PKHD1: variants seen among roughly 807,000 people sequenced by gnomAD.
PKHD1 encodes the protein PKHD1 ciliary IPT domain containing fibrocystin/polyductin.
Under a neutral mutation model 412.0 loss-of-function variants are expected in PKHD1, and 291 were observed. That is an observed-to-expected ratio of 0.71 (90% CI 0.64 to 0.78). The LOEUF (loss-of-function observed/expected upper bound fraction) is 0.78, where lower values mean the gene tolerates loss of function less well. PKHD1 is among the 30% of genes least tolerant of loss of function. The pLI, the probability that PKHD1 is intolerant of heterozygous loss-of-function variation, is 0.00. For missense variants in PKHD1, 4,825 were observed against 4,950.7 expected, an observed-to-expected ratio of 0.97 and a Z score of 0.76; for synonymous variants, 1,777 against 1,821.5, an observed-to-expected ratio of 0.98 and a Z score of 0.62.
chr6:51,913,995 A>G (rs1783386083), intron 37 of PKHD1, among the ~76,000 whole-genome samples: 1 of 152,138 alleles, frequency 6.6e-6, no homozygotes, highest in Non-Finnish European at 1.5e-5. Flanking sequence ...TTATATGTAT[A>G]TGCATATATA....
At position 51,906,289 on chromosome 6, in the gene PKHD1, C is replaced by T. The variant is rs970881; in HGVS notation, c.6734G>A (p.Ser2245Asn). The T allele has an allele frequency of 6.2e-7, 1 of 1,608,738 alleles. No individual in the cohort carries two copies. The highest frequency in any genetic ancestry group is 8.5e-7 in the Non-Finnish European group (1 of 1,175,398). ...TVRNSFSRGL[S>N]MCGTLGLKVD... ...CTTCAGGCCCAAGGTCCCGCACATG[C>T]TGAGGCCTCTACTGAAGGAGTTCCT... The change falls in exon 41 of 67, where the codon AGC becomes AAC. Residue 2245 changes from serine to asparagine, a missense_variant. By Grantham distance (46) the Ser-to-Asn change is conservative. Coordinates refer to ENST00000371117, the MANE Select transcript of PKHD1 (RefSeq NM_138694.4).
intron 33 of PKHD1, among the ~76,000 whole-genome samples, chr6:52,019,569 T>C (rs999685521): frequency 2.0e-5 from 3 of 152,258 alleles, no homozygotes; most frequent in South Asian, 2.1e-4. Context: ...TAGATGCAAA[T>C]TGACAAGCAG....
At position 51,659,131 on chromosome 6, in the gene PKHD1, T is replaced by C; in HGVS notation, c.10995A>G (p.Glu3665=). 2 of 1,613,846 alleles carry C rather than the reference T, an allele frequency of 1.2e-6. No homozygotes were observed. Among genetic ancestry groups the C allele is most frequent in the South Asian group, 2.2e-5 (2 of 91,086 alleles). ...VETISKVIVI[E]IGDSPTVRST... ...TCCTTACTGTTGGCGAATCACCAAT[T>C]TCAATGACAATCACTTTTGAGATAG... The change falls in exon 61 of 67, where the codon GAA becomes GAG. Residue 3665 remains glutamate (E), a synonymous_variant. Transcript: ENST00000371117.
intron 48 of PKHD1, among the ~76,000 whole-genome samples, chr6:51,861,637 C>T (rs1462235287): frequency 6.6e-6 from 1 of 152,194 alleles, no homozygotes. Context: ...ATACACCATG[C>T]TCATAACAAT....
At chr6:51,661,027 AT>A (rs1432072522) in intron 60 of PKHD1, among the ~76,000 whole-genome samples, 1 of 151,848 alleles carries the variant, frequency 6.6e-6, no homozygotes, top group Admixed American at 6.6e-5. Flanking sequence ...TAGTTGAGGC[AT>A]TAGCTCATTA....
chr6:51,928,001 AATT>A (rs1297510491), intron 37 of PKHD1, among the ~76,000 whole-genome samples: 1 of 152,164 alleles, frequency 6.6e-6, no homozygotes, highest in Non-Finnish European at 1.5e-5. Flanking sequence ...AATAGTCAGC[AATT>A]ATTATTCAGA....
chr6:52,050,391 A>T (rs1197968620), intron 21 of PKHD1, 96 bp from the exon 22 acceptor site: 13 of 1,188,336 alleles, frequency 1.1e-5, no homozygotes, highest in Admixed American at 1.7e-5. Flanking sequence ...CTCAGATCTC[A>T]GTACACACCT....
At chr6:51,802,628 T>C (rs979771827) in intron 52 of PKHD1, among the ~76,000 whole-genome samples, 1 of 151,592 alleles carries the variant, frequency 6.6e-6, no homozygotes, top group African/African-American at 2.4e-5. Context: ...TTTTAGTAAA[T>C]AAATATATTT....
intron 60 of PKHD1, among the ~76,000 whole-genome samples, chr6:51,663,869 T>A (rs1297639589): frequency 1.3e-5 from 2 of 152,182 alleles, no homozygotes; most frequent in African/African-American, 4.8e-5. Context: ...CTGACTATAC[T>A]TTTATAAATT....
chr6:51,631,792 A>G (rs1767945345), intron 65 of PKHD1, among the ~76,000 whole-genome samples: 1 of 152,102 alleles, frequency 6.6e-6, no homozygotes, highest in Non-Finnish European at 1.5e-5. Context: ...TAAAAAATTA[A>G]AAAATGGCAT....
chr6:51,738,920 G>GAC (rs146074613), intron 60 of PKHD1, among the ~76,000 whole-genome samples: 19 of 150,488 alleles, frequency 1.3e-4, no homozygotes, highest in East Asian at 7.8e-4. Flanking sequence ...CTGCACACAA[G>GAC]ACACACACAC....
intron 37 of PKHD1, among the ~76,000 whole-genome samples, chr6:51,925,410 C>T (rs1185409871): frequency 6.6e-6 from 1 of 151,542 alleles, no homozygotes; most frequent in African/African-American, 2.4e-5. Context: ...GGGGTACCCA[C>T]AACTTTAGCT....
rs149644266 is a variant in PKHD1 at position 52,079,017 on chromosome 6, C to A, written c.390+883G>T. Among the ~76,000 whole-genome samples, 392 of 152,264 alleles carry A rather than the reference C, an allele frequency of 2.6e-3. 1 individual carries two copies. The highest frequency in any genetic ancestry group is 7.1e-3 in the Admixed American group (109 of 15,296). ...GGAGAGACAAATTTACAAGGTGAAG[C>A]CTTATTCCGAAGGAGCATTCATTAG... On this transcript the variant is annotated intron_variant, in intron 5 of 66. Coordinates refer to ENST00000371117, the MANE Select transcript of PKHD1 (RefSeq NM_138694.4).
At chr6:51,669,280 T>C (rs1356928076) in intron 60 of PKHD1, among the ~76,000 whole-genome samples, 2 of 152,088 alleles carry the variant, frequency 1.3e-5, no homozygotes, top group African/African-American at 4.8e-5. Flanking sequence ...CTTGGGAGAG[T>C]GTATGTGTCG....
At chr6:51,806,679 C>T (rs1763832018) in intron 52 of PKHD1, among the ~76,000 whole-genome samples, 1 of 142,020 alleles carries the variant, frequency 7.0e-6, no homozygotes, top group Non-Finnish European at 1.5e-5. Flanking sequence ...GAATCGTTAT[C>T]TAAAAATAGA....
chr6:51,638,950 G>T lies in PKHD1; in HGVS notation c.11405C>A (p.Thr3802Asn), dbSNP rs1768966582. Residue 3802 changes from threonine to asparagine, a missense_variant, in exon 64 of 67, where the codon ACC (threonine) becomes AAC (asparagine). Physicochemically the swap from Thr to Asn is moderately conservative, Grantham distance 65. Coordinates refer to ENST00000371117, the MANE Select transcript of PKHD1 (RefSeq NM_138694.4). ...ATAACCATCTTGAGTTTCTGCCTGG[G>T]TGCACCCTACAAAAAAGTACAAAAC... The part of the protein sequence containing the change: ...GASDSVLKGC[T>N]QAETQDGYVS... The T allele has an allele frequency of 2.5e-6, 4 of 1,611,322 alleles. No homozygotes were observed. In the African/African-American group the frequency reaches 4.0e-5, roughly 16 times the overall value.
intron 52 of PKHD1, among the ~76,000 whole-genome samples, chr6:51,806,000 AC>A (rs1343664616): frequency 1.3e-5 from 2 of 149,284 alleles, no homozygotes; most frequent in Non-Finnish European, 3.0e-5. Flanking sequence ...TTGGGTATAT[AC>A]CCAGTAACAG....
intron 37 of PKHD1, among the ~76,000 whole-genome samples, chr6:51,926,870 G>T (rs1785722157): frequency 6.6e-6 from 1 of 152,008 alleles, no homozygotes; most frequent in African/African-American, 2.4e-5. Flanking sequence ...TATTTTAGAG[G>T]ACATAGAGCC....
At chr6:51,808,171 T>C (rs1407985583) in intron 52 of PKHD1, among the ~76,000 whole-genome samples, 1 of 152,182 alleles carries the variant, frequency 6.6e-6, no homozygotes, top group East Asian at 1.9e-4. Flanking sequence ...TAATAGCTTT[T>C]AAAGCAAGGC....
Sources: gnomAD v4.1 joint callset for allele counts (sites outside exome capture counted in the v4.1 genomes callset) on GRCh38, gnomAD v4.1.1 for gene constraint, MANE v1.5 for transcripts, NCBI Gene and HGNC (gene_info 2026-07-23, HGNC 2026-07-21) for gene names.